Variants in VKORC1L1 observed in about 807,000 individuals in gnomAD.
VKORC1L1 encodes the protein vitamin K epoxide reductase complex subunit 1L1, also known as vitamin K epoxide reductase complex subunit 1-like protein 1.
In VKORC1L1, 2 loss-of-function variants were observed where a neutral mutation model predicts 18.9. That is an observed-to-expected ratio of 0.11 (90% CI 0.04 to 0.33). The LOEUF (loss-of-function observed/expected upper bound fraction) is 0.33. Ranked by LOEUF, VKORC1L1 falls within the 10% of genes least tolerant of loss-of-function variation. The pLI, the probability that VKORC1L1 is intolerant of heterozygous loss-of-function variation, is 1.00. For synonymous variants in VKORC1L1, 96 were observed against 100.0 expected (o/e 0.96, Z 0.24); for missense variants, 123 against 224.1 (o/e 0.55, Z 2.88).
At chr7:65,933,107 C>G (rs531676814) in intron 1 of VKORC1L1, among the ~76,000 whole-genome samples, 10 of 144,524 alleles carry the variant, frequency 6.9e-5, no homozygotes, top group African/African-American at 2.3e-4. Flanking sequence ...AAAAGTGTGT[C>G]GGCTGTTGTT....
chr7:65,873,477 G>T lies in VKORC1L1; in HGVS notation c.106G>T (p.Val36Leu), dbSNP rs1204474427. 1.9e-6 allele frequency: 3 copies of T among 1,597,004 alleles called. No homozygotes were observed. The highest frequency in any genetic ancestry group is 2.6e-6 in the Non-Finnish European group (3 of 1,172,946). Residue 36 changes from valine to leucine, a missense_variant, in exon 1 of 3, where the codon GTG (valine) becomes TTG (leucine). By Grantham distance (32) the Val-to-Leu change is conservative. Coordinates refer to ENST00000360768, the MANE Select transcript of VKORC1L1 (RefSeq NM_173517.6). ...CCTGCTCTCCATCTACGCCTACCACGTGGAGCGGGAGAAGGAGCGGGACCC... is the reference window on the plus strand; with the variant it reads ...CCTGCTCTCCATCTACGCCTACCACTTGGAGCGGGAGAAGGAGCGGGACCC... ...GILLSIYAYH[V>L]EREKERDPEH... is the part of the protein sequence containing the mutation.
chr7:65,868,414 G>A (rs533290390), upstream of VKORC1L1, among the ~76,000 whole-genome samples: 117 of 152,260 alleles, frequency 7.7e-4, 1 homozygote, highest in South Asian at 0.012. Context: ...AAACAGTAGG[G>A]AGATTTCTCA....
At chr7:65,944,697 G>A (rs575940561) in intron 1 of VKORC1L1, among the ~76,000 whole-genome samples, 5 of 151,632 alleles carry the variant, frequency 3.3e-5, no homozygotes, top group African/African-American at 1.2e-4. Flanking sequence ...TAGGTGGAAT[G>A]CCTGAGCTCA....
At chr7:65,878,258 C>T (rs1445173725) in intron 1 of VKORC1L1, among the ~76,000 whole-genome samples, 1 of 151,466 alleles carries the variant, frequency 6.6e-6, no homozygotes, top group Non-Finnish European at 1.5e-5. Flanking sequence ...CCAGCCTGGC[C>T]AATATGGTGA....
intron 1 of VKORC1L1, among the ~76,000 whole-genome samples, chr7:65,891,645 CAG>C (rs1789112883): frequency 6.6e-6 from 1 of 152,056 alleles, no homozygotes; most frequent in South Asian, 2.1e-4. Flanking sequence ...TCTTCACTAA[CAG>C]AATTTTTTTT....
intron 1 of VKORC1L1, among the ~76,000 whole-genome samples, chr7:65,876,694 A>G (rs1285749034): frequency 1.3e-5 from 2 of 152,024 alleles, no homozygotes; most frequent in Non-Finnish European, 1.5e-5. Context: ...CCCAGTTCTT[A>G]GGCTTGTGGC....
intron 1 of VKORC1L1, among the ~76,000 whole-genome samples, chr7:65,886,839 GTTTTTTTTTTTTTT>G (rs56234924): frequency 6.8e-5 from 4 of 58,626 alleles, no homozygotes; most frequent in Admixed American, 4.9e-4. Flanking sequence ...GCCTGTCCGA[GTTTTTTTTTTTTTT>G]TTTTTTTTTT....
chr7:65,953,192 G>A (rs1790241768), intron 2 of VKORC1L1, among the ~76,000 whole-genome samples: 1 of 152,180 alleles, frequency 6.6e-6, no homozygotes, highest in East Asian at 1.9e-4. Context: ...CGGGCAAAAT[G>A]TGGTTTCCCT....
chr7:65,871,650 C>T (rs567855928), upstream of VKORC1L1, among the ~76,000 whole-genome samples: 6 of 152,284 alleles, frequency 3.9e-5, no homozygotes, highest in African/African-American at 1.4e-4. Flanking sequence ...GTAAGCCTGC[C>T]GCTTCTTACC....
intron 1 of VKORC1L1, among the ~76,000 whole-genome samples, chr7:65,922,721 T>G (rs1288613919): frequency 6.6e-6 from 1 of 152,208 alleles, no homozygotes; most frequent in African/African-American, 2.4e-5. Flanking sequence ...GATTGGCAGT[T>G]GATTGTCTTT....
upstream of VKORC1L1, among the ~76,000 whole-genome samples, chr7:65,869,630 C>T (rs1034898360): frequency 8.4e-5 from 12 of 143,426 alleles, no homozygotes; most frequent in South Asian, 2.7e-3. Flanking sequence ...GGGCAAAACA[C>T]GATTTCATTC....
chr7:65,951,914 A>G (rs1363359433), intron 2 of VKORC1L1, among the ~76,000 whole-genome samples: 2 of 152,144 alleles, frequency 1.3e-5, no homozygotes, highest in African/African-American at 4.8e-5. Flanking sequence ...ACCATCATTT[A>G]TTTAGAGTTA....
intron 2 of VKORC1L1, among the ~76,000 whole-genome samples, chr7:65,950,942 A>C (rs1790202330): frequency 6.6e-6 from 1 of 152,192 alleles, no homozygotes; most frequent in Non-Finnish European, 1.5e-5. Flanking sequence ...CAGATGCAAG[A>C]TGTTTTCCTT....
chr7:65,905,820 C>T (rs1166883328), intron 1 of VKORC1L1, among the ~76,000 whole-genome samples: 1 of 152,088 alleles, frequency 6.6e-6, no homozygotes, highest in Non-Finnish European at 1.5e-5. Context: ...AACATCGCCA[C>T]CCAGATTTTT....
chr7:65,916,178 A>G (rs1789586692), intron 1 of VKORC1L1, among the ~76,000 whole-genome samples: 1 of 150,796 alleles, frequency 6.6e-6, no homozygotes, highest in African/African-American at 2.4e-5. Context: ...CCAGTGATAC[A>G]GTTTGTATAG....
chr7:65,947,383 C>T (rs151030420), intron 1 of VKORC1L1, among the ~76,000 whole-genome samples: 1 of 148,270 alleles, frequency 6.7e-6, no homozygotes, highest in Non-Finnish European at 1.5e-5. Flanking sequence ...TTTGTTTAGA[C>T]TGATTCTCTA....
Position 65,902,851 on chromosome 7 carries a change from T to TTTTATTTA in VKORC1L1, c.194+29310_194+29317dup, listed in dbSNP as rs147563570. ...AAATACAATTGAGAGACATCTTTAA[T>TTTTATTTA]TTTATTTATTTATTTATTTATTTAT... On this transcript the variant is annotated intron_variant, in intron 1 of 2. Transcript: ENST00000360768. 1.9e-4 allele frequency among the ~76,000 whole-genome samples: 29 copies of TTTTATTTA among 151,198 alleles called. 1 individual carries two copies. The highest frequency in any genetic ancestry group is 9.8e-4 in the East Asian group (5 of 5,110).
chr7:65,930,652 A>G (rs1479106955), intron 1 of VKORC1L1, among the ~76,000 whole-genome samples: 1 of 152,040 alleles, frequency 6.6e-6, no homozygotes, highest in African/African-American at 2.4e-5. Context: ...GATTTTCTAT[A>G]TAGACAATTG....
intron 1 of VKORC1L1, among the ~76,000 whole-genome samples, chr7:65,919,786 G>A (rs911022629): frequency 1.3e-5 from 2 of 152,230 alleles, no homozygotes; most frequent in African/African-American, 2.4e-5. Flanking sequence ...GGCCGGGCGC[G>A]GTGGCTCATG....
Sources: gnomAD v4.1 joint callset for allele counts (sites outside exome capture counted in the v4.1 genomes callset) on GRCh38, gnomAD v4.1.1 for gene constraint, MANE v1.5 for transcripts, NCBI Gene and HGNC (gene_info 2026-07-23, HGNC 2026-07-21) for gene names.